RBFOX1: variants seen among roughly 807,000 people sequenced by gnomAD.
RBFOX1 encodes the protein RNA binding protein fox-1 homolog 1.
A neutral mutation model predicts 57.7 loss-of-function variants in RBFOX1; 8 were observed. That is an observed-to-expected ratio of 0.14 (90% confidence interval 0.08 to 0.25). RBFOX1 has a LOEUF of 0.25. RBFOX1 is among the 10% of genes least tolerant of loss of function. The pLI is 1.00. For missense variants in RBFOX1, 611 were observed against 548.5 expected (o/e 1.11, Z -1.14); for synonymous variants, 326 against 222.4 (o/e 1.47, Z -4.15).
chr16:5,600,487 A>T (rs2047331225), downstream of RBFOX1, among the ~76,000 whole-genome samples: 1 of 43,538 alleles, frequency 2.3e-5, no homozygotes, highest in Non-Finnish European at 4.2e-5. Flanking sequence ...AGCCTGTCTC[A>T]AAAAAAAAAA....
chr16:6,894,980 C>T (rs1168967768), intron 3 of RBFOX1, among the ~76,000 whole-genome samples: 5 of 152,224 alleles, frequency 3.3e-5, no homozygotes, highest in African/African-American at 9.6e-5. Context: ...CCAGAACTAA[C>T]AGAGACTCTG....
chr16:6,454,861 T>TG (rs375781501), intron 2 of RBFOX1, among the ~76,000 whole-genome samples: 99,926 of 121,632 alleles, frequency 0.82, 39,287 homozygotes, highest in Middle Eastern at 0.89. Flanking sequence ...CATATACAGG[T>TG]TTTTTTTTTT....
chr16:6,842,012 G>T (rs533861011), intron 3 of RBFOX1, among the ~76,000 whole-genome samples: 1 of 151,666 alleles, frequency 6.6e-6, no homozygotes, highest in African/African-American at 2.4e-5. Context: ...GCGTGGTGGC[G>T]GGCGCCTGTA....
intron 4 of RBFOX1, among the ~76,000 whole-genome samples, chr16:7,188,431 A>G (rs1567628087): frequency 6.6e-6 from 1 of 152,202 alleles, no homozygotes; most frequent in East Asian, 1.9e-4. Flanking sequence ...TCAAAATGCT[A>G]TTTAGAGGAA....
chr16:7,674,491 A>G (rs1310337806), intron 13 of RBFOX1, among the ~76,000 whole-genome samples: 6 of 152,178 alleles, frequency 3.9e-5, no homozygotes, highest in Non-Finnish European at 1.5e-5. Context: ...AAGGTTTAAA[A>G]TCTCTCCGCT....
At chr16:6,549,288 G>A (rs533652424) in intron 2 of RBFOX1, among the ~76,000 whole-genome samples, 1 of 6,704 alleles carries the variant, frequency 1.5e-4, no homozygotes, top group Non-Finnish European at 4.0e-4. Flanking sequence ...GGAGGAGGGA[G>A]GAGTAGGAGG....
intron 2 of RBFOX1, among the ~76,000 whole-genome samples, chr16:6,397,989 A>T (rs1414994978): frequency 6.6e-6 from 1 of 152,252 alleles, no homozygotes; most frequent in Non-Finnish European, 1.5e-5. Flanking sequence ...AAACAATAGT[A>T]ACAAAAAGCA....
At position 5,255,018 on chromosome 16, in the gene RBFOX1, G is replaced by A. The variant is rs372802551; in HGVS notation, c.219+14913G>A. ...TCTACCTGCCCAGCATGGCAGTAAC[G>A]TGACACAGCCAGTTGATTATTGGTT... On this transcript the variant is annotated intron_variant, in intron 1 of 2. Transcript: ENST00000585867. Among the ~76,000 whole-genome samples, 8 of 152,140 alleles carry A rather than the reference G, an allele frequency of 5.3e-5. No homozygotes were observed. The South Asian group carries it at 6.2e-4, about 12-fold the overall frequency.
At chr16:7,212,642 C>A (rs574051396) in intron 4 of RBFOX1, among the ~76,000 whole-genome samples, 1 of 149,396 alleles carries the variant, frequency 6.7e-6, no homozygotes, top group African/African-American at 2.5e-5. Flanking sequence ...AGAAAAAAAA[C>A]GAGAAAATAG....
At chr16:6,692,613 A>G (rs750227599) in intron 3 of RBFOX1, among the ~76,000 whole-genome samples, 4 of 144,542 alleles carry the variant, frequency 2.8e-5, no homozygotes, top group Admixed American at 7.2e-5. Context: ...TCCTTCCACC[A>G]TGCACTTTTC....
At chr16:5,729,100 T>C (rs1174532095) in intron 3 of RBFOX1, among the ~76,000 whole-genome samples, 1 of 152,230 alleles carries the variant, frequency 6.6e-6, no homozygotes, top group Non-Finnish European at 1.5e-5. Flanking sequence ...TGCTTGCTGT[T>C]GCTGAGAACC....
At chr16:7,566,544 G>A (rs577817208) in intron 5 of RBFOX1, among the ~76,000 whole-genome samples, 17 of 152,140 alleles carry the variant, frequency 1.1e-4, no homozygotes, top group African/African-American at 3.6e-4. Flanking sequence ...CGGACAGATC[G>A]CCTAACCTCT....
chr16:5,611,033 C>CCTAGT (rs1423927274), intron 3 of RBFOX1, among the ~76,000 whole-genome samples: 1 of 152,158 alleles, frequency 6.6e-6, no homozygotes, highest in Non-Finnish European at 1.5e-5. Context: ...CTCTCTACAG[C>CCTAGT]CTAGTCTGTT....
At chr16:5,683,155 A>T (rs1279096683) in intron 3 of RBFOX1, among the ~76,000 whole-genome samples, 1 of 59,642 alleles carries the variant, frequency 1.7e-5, no homozygotes, top group South Asian at 6.6e-4. Context: ...GTGGAGGTGG[A>T]GGTGGGGGGT....
At chr16:7,705,469 C>G (rs563481159) in intron 14 of RBFOX1, among the ~76,000 whole-genome samples, 1 of 152,158 alleles carries the variant, frequency 6.6e-6, no homozygotes, top group Non-Finnish European at 1.5e-5. Flanking sequence ...TGTGCCACTG[C>G]ACTCCAGCCT....
intron 3 of RBFOX1, among the ~76,000 whole-genome samples, chr16:5,667,959 G>T (rs1285576150): frequency 1.3e-5 from 2 of 152,084 alleles, no homozygotes; most frequent in Non-Finnish European, 2.9e-5. Flanking sequence ...GATGGCAGCA[G>T]TTGCCCTGGT....
chr16:5,282,271 A>G (rs1300621010), intron 1 of RBFOX1, among the ~76,000 whole-genome samples: 1 of 152,220 alleles, frequency 6.6e-6, no homozygotes, highest in Admixed American at 6.5e-5. Context: ...AAGTCCATTA[A>G]ACCTTTATCT....
chr16:6,435,621 G>A (rs112121736), intron 2 of RBFOX1, among the ~76,000 whole-genome samples: 5,820 of 152,126 alleles, frequency 0.038, 402 homozygotes, highest in African/African-American at 0.13. Flanking sequence ...GTTTTATATA[G>A]CATCTACCCC....
chr16:7,324,234 T>A (rs190813736), intron 4 of RBFOX1, among the ~76,000 whole-genome samples: 1 of 152,224 alleles, frequency 6.6e-6, no homozygotes. Flanking sequence ...ACTTAGCTTC[T>A]AAAGAGAAAA....
Sources: gnomAD v4.1 joint callset for allele counts (sites outside exome capture counted in the v4.1 genomes callset) on GRCh38, gnomAD v4.1.1 for gene constraint, MANE v1.5 for transcripts, NCBI Gene and HGNC (gene_info 2026-07-23, HGNC 2026-07-21) for gene names.